DIS3L2: variants seen among roughly 807,000 people sequenced by gnomAD.
DIS3L2 encodes the protein DIS3-like exonuclease 2.
In DIS3L2, 34 loss-of-function variants were observed where a neutral mutation model predicts 97.5. The observed-to-expected ratio is 0.35, with a 90% CI of 0.27 to 0.46. DIS3L2 has a LOEUF of 0.46. Among genes scored for constraint, DIS3L2 ranks in the 20% least tolerant of loss-of-function variants. The pLI, the probability that DIS3L2 is intolerant of heterozygous loss-of-function variation, is 1.00. For missense variants in DIS3L2, 1,038 were observed against 1,146.0 expected, an observed-to-expected ratio of 0.91 and a Z score of 1.36; for synonymous variants, 435 against 445.2, an observed-to-expected ratio of 0.98 and a Z score of 0.29.
intron 5 of DIS3L2, among the ~76,000 whole-genome samples, chr2:232,065,963 C>T (rs1327394696): frequency 1.3e-5 from 2 of 151,266 alleles, no homozygotes; most frequent in Non-Finnish European, 3.0e-5. Context: ...TCCAGTTGTT[C>T]ATATCTAGTA....
intron 8 of DIS3L2, among the ~76,000 whole-genome samples, chr2:232,158,681 A>T (rs1279565641): frequency 6.6e-6 from 1 of 152,170 alleles, no homozygotes; most frequent in African/African-American, 2.4e-5. Context: ...TTCTTTTCCA[A>T]ACAGCACTGG....
intron 6 of DIS3L2, among the ~76,000 whole-genome samples, chr2:232,126,661 G>A (rs1379592551): frequency 2.6e-5 from 4 of 152,210 alleles, no homozygotes; most frequent in Non-Finnish European, 4.4e-5. Context: ...GTGGCTGAGG[G>A]ATGTGGCCTT....
intron 6 of DIS3L2, among the ~76,000 whole-genome samples, chr2:232,116,327 A>C (rs751385141): frequency 9.0e-4 from 137 of 152,280 alleles, no homozygotes; most frequent in Non-Finnish European, 1.6e-3. Context: ...TTTGGTCAGC[A>C]TATGCTGGGT....
intron 1 of DIS3L2, among the ~76,000 whole-genome samples, chr2:231,969,629 G>T (rs1469927628): frequency 2.0e-5 from 3 of 152,102 alleles, no homozygotes; most frequent in Non-Finnish European, 1.5e-5. Flanking sequence ...CTTTTTAATA[G>T]ATTCCATTGG....
intron 8 of DIS3L2, among the ~76,000 whole-genome samples, chr2:232,158,028 C>T (rs1378935444): frequency 6.6e-6 from 1 of 152,192 alleles, no homozygotes; most frequent in East Asian, 1.9e-4. Flanking sequence ...GTCACCAGTA[C>T]TCCAATCTTT....
chr2:232,238,898 C>T (rs1161687476), intron 11 of DIS3L2, among the ~76,000 whole-genome samples: 2 of 152,146 alleles, frequency 1.3e-5, no homozygotes, highest in African/African-American at 4.8e-5. Flanking sequence ...CAAACTCAGC[C>T]CACACTAGCG....
intron 6 of DIS3L2, among the ~76,000 whole-genome samples, chr2:232,098,843 T>TAAG (rs1697110248): frequency 6.6e-6 from 1 of 152,222 alleles, no homozygotes; most frequent in Non-Finnish European, 1.5e-5. Flanking sequence ...CATTTGTCTA[T>TAAG]TAACTTTGTG....
At chr2:232,329,786 C>CCCGGGGGGGGCA in intron 14 of DIS3L2, 27 bp from the exon 15 acceptor site, 2 of 430,238 alleles carry the variant, frequency 4.6e-6, no homozygotes, top group Non-Finnish European at 8.4e-6. Context: ...CCCCAGCGGT[C>CCCGGGGGGGGCA]CCTCCCATCC....
chr2:232,018,297 C>CT (rs1351852849), intron 3 of DIS3L2, among the ~76,000 whole-genome samples: 2 of 152,054 alleles, frequency 1.3e-5, no homozygotes, highest in African/African-American at 4.8e-5. Flanking sequence ...TATAACAACT[C>CT]TAATTCCCAG....
At chr2:232,165,748 G>C (rs1690786103) in intron 9 of DIS3L2, among the ~76,000 whole-genome samples, 1 of 152,098 alleles carries the variant, frequency 6.6e-6, no homozygotes, top group South Asian at 2.1e-4. Context: ...GGCTGGTTTT[G>C]AACTCCTGGC....
At chr2:232,132,549 C>A (rs1191091631) in intron 7 of DIS3L2, among the ~76,000 whole-genome samples, 2 of 152,118 alleles carry the variant, frequency 1.3e-5, no homozygotes, top group African/African-American at 4.8e-5. Context: ...ACCTCACAAC[C>A]CCCACCAACA....
rs1345507679 is a variant in DIS3L2 at position 232,333,995 on chromosome 2, G to A, written c.2158+8G>A. Reference sequence around the variant, plus strand: ...TCCTGGCTGCCGCGTTAGGTGAGGGGTGCAGTCGGGGTCAGGGCAGACCTG... The same window carrying A: ...TCCTGGCTGCCGCGTTAGGTGAGGGATGCAGTCGGGGTCAGGGCAGACCTG... On this transcript the variant is annotated splice_region_variant and intron_variant, in intron 17 of 20. Transcript: ENST00000325385. 6.2e-7 allele frequency: 1 copy of A among 1,606,386 alleles called. No individual in the cohort carries two copies. The highest frequency in any genetic ancestry group is 8.5e-7 in the Non-Finnish European group (1 of 1,176,714).
intron 12 of DIS3L2, among the ~76,000 whole-genome samples, chr2:232,255,561 G>A (rs1693537655): frequency 6.6e-6 from 1 of 152,100 alleles, no homozygotes; most frequent in Non-Finnish European, 1.5e-5. Context: ...AGGCTTTTAG[G>A]TCAATAAACG....
At chr2:232,084,846 T>C (rs2106304333) in intron 5 of DIS3L2, among the ~76,000 whole-genome samples, 1 of 152,246 alleles carries the variant, frequency 6.6e-6, no homozygotes, top group Non-Finnish European at 1.5e-5. Context: ...ACTATATTTT[T>C]ATGGAGTCAA....
intron 16 of DIS3L2, among the ~76,000 whole-genome samples, chr2:232,333,067 G>A (rs1346985273): frequency 1.3e-5 from 2 of 151,314 alleles, no homozygotes; most frequent in Non-Finnish European, 3.0e-5. Context: ...TGCAGCCCCT[G>A]GTCCAACAAA....
At chr2:232,299,968 T>C (rs1575003479) in intron 13 of DIS3L2, 72 bp from the exon 14 acceptor site, 3 of 1,482,670 alleles carry the variant, frequency 2.0e-6, no homozygotes, top group African/African-American at 1.4e-5. Flanking sequence ...GATTTTATTT[T>C]TTTCATTTCA....
chr2:232,016,135 G>A (rs3116225), intron 3 of DIS3L2: 118,411 of 153,928 alleles, frequency 0.77, 46,097 homozygotes, highest in African/African-American at 0.87. Context: ...GCTGAACGAC[G>A]GAGAAAAATG....
At chr2:231,985,932 G>T (rs1025658473) in intron 1 of DIS3L2, among the ~76,000 whole-genome samples, 3 of 152,198 alleles carry the variant, frequency 2.0e-5, no homozygotes, top group Non-Finnish European at 2.9e-5. Context: ...CACCCTCTGT[G>T]TGGGCGGACA....
At chr2:232,270,567 T>C (rs1374701632) in intron 13 of DIS3L2, among the ~76,000 whole-genome samples, 2 of 152,362 alleles carry the variant, frequency 1.3e-5, no homozygotes, top group East Asian at 3.9e-4. Context: ...GATTCTGATT[T>C]TTTTGGTACT....
Sources: gnomAD v4.1 joint callset for allele counts (sites outside exome capture counted in the v4.1 genomes callset) on GRCh38, gnomAD v4.1.1 for gene constraint, MANE v1.5 for transcripts, NCBI Gene and HGNC (gene_info 2026-07-23, HGNC 2026-07-21) for gene names.